Variants in SDK1 observed in about 807,000 individuals in gnomAD.
The protein encoded by SDK1 is protein sidekick-1.
A neutral mutation model predicts 245.5 loss-of-function variants in SDK1; 157 were observed. The observed-to-expected ratio is 0.64, with a 90% confidence interval of 0.56 to 0.73. The LOEUF is 0.73. Ranked by LOEUF, SDK1 falls within the 30% of genes least tolerant of loss-of-function variation. The pLI, the probability that SDK1 is intolerant of heterozygous loss-of-function variation, is 0.00. For missense variants in SDK1, 3,583 were observed against 3,002.3 expected, an observed-to-expected ratio of 1.19 and a Z score of -4.52; for synonymous variants, 1,647 against 1,278.5, an observed-to-expected ratio of 1.29 and a Z score of -6.15.
intron 34 of SDK1, among the ~76,000 whole-genome samples, chr7:4,178,077 G>A (rs1471356763): frequency 6.6e-6 from 1 of 152,236 alleles, no homozygotes; most frequent in Non-Finnish European, 1.5e-5. Context: ...AGGCAGTAAT[G>A]CGAGGGATGG....
intron 1 of SDK1, among the ~76,000 whole-genome samples, chr7:3,427,228 G>T (rs540947314): frequency 6.6e-6 from 1 of 152,298 alleles, no homozygotes; most frequent in East Asian, 1.9e-4. Flanking sequence ...GTAGTATACT[G>T]TAATGTAAAA....
intron 1 of SDK1, among the ~76,000 whole-genome samples, chr7:3,611,377 C>G (rs1562600745): frequency 6.6e-6 from 1 of 152,192 alleles, no homozygotes; most frequent in Non-Finnish European, 1.5e-5. Context: ...TCTTCCTCCT[C>G]TTGCACCGCC....
At chr7:3,365,603 A>T (rs147365258) in intron 1 of SDK1, among the ~76,000 whole-genome samples, 5 of 152,238 alleles carry the variant, frequency 3.3e-5, no homozygotes, top group African/African-American at 1.2e-4. Flanking sequence ...TAAATGTTTT[A>T]AAATTGCTGT....
intron 44 of SDK1, among the ~76,000 whole-genome samples, chr7:4,251,111 C>T (rs982218711): frequency 6.6e-6 from 1 of 152,172 alleles, no homozygotes; most frequent in African/African-American, 2.4e-5. Flanking sequence ...TGTTGTAGCA[C>T]ATATCAGTAC....
chr7:4,235,330 A>C (rs983540180), intron 41 of SDK1, among the ~76,000 whole-genome samples: 5 of 152,024 alleles, frequency 3.3e-5, no homozygotes, highest in African/African-American at 9.7e-5. Flanking sequence ...CGCCCGGCTA[A>C]TTTTTGTATT....
At chr7:3,477,597 C>G (rs1294971558) in intron 1 of SDK1, among the ~76,000 whole-genome samples, 1 of 151,712 alleles carries the variant, frequency 6.6e-6, no homozygotes, top group Admixed American at 6.6e-5. Flanking sequence ...TCGCTGCAAC[C>G]TCAAACTCTT....
chr7:3,535,045 G>A (rs1019670721), intron 1 of SDK1, among the ~76,000 whole-genome samples: 4 of 152,112 alleles, frequency 2.6e-5, no homozygotes, highest in Admixed American at 2.6e-4. Flanking sequence ...AGGCCAAGGT[G>A]GGCGGATCAC....
intron 14 of SDK1, among the ~76,000 whole-genome samples, chr7:3,993,530 A>C (rs1784498275): frequency 6.6e-6 from 1 of 152,190 alleles, no homozygotes; most frequent in Non-Finnish European, 1.5e-5. Context: ...ATTTAAATTT[A>C]ATTAAAATGT....
chr7:3,505,895 T>G (rs1166451156), intron 1 of SDK1, among the ~76,000 whole-genome samples: 1 of 152,192 alleles, frequency 6.6e-6, no homozygotes, highest in Non-Finnish European at 1.5e-5. Flanking sequence ...GACTGTTGCT[T>G]TTATTTCTTC....
intron 22 of SDK1, among the ~76,000 whole-genome samples, chr7:4,094,394 C>A (rs7784086): frequency 6.6e-6 from 1 of 152,058 alleles, no homozygotes; most frequent in Non-Finnish European, 1.5e-5. Flanking sequence ...ATGGATTGCC[C>A]TGGAATTCCG....
intron 1 of SDK1, among the ~76,000 whole-genome samples, chr7:3,308,218 G>A (rs1779466565): frequency 6.6e-6 from 1 of 152,072 alleles, no homozygotes; most frequent in African/African-American, 2.4e-5. Context: ...TACATGGCTG[G>A]AAGAAGGGGC....
intron 5 of SDK1, among the ~76,000 whole-genome samples, chr7:3,836,854 G>C (rs936352509): frequency 6.6e-6 from 1 of 152,228 alleles, no homozygotes; most frequent in Admixed American, 6.5e-5. Context: ...AAAACTGGAA[G>C]TCCAAGATGA....
In SDK1 at chr7:3,596,621, C is replaced by T. The variant is rs188479089; in HGVS notation, c.299-22459C>T. Among the ~76,000 whole-genome samples, 5 of 152,316 alleles carry T rather than the reference C, an allele frequency of 3.3e-5. No homozygotes were observed. In the East Asian group the frequency reaches 9.6e-4, roughly 29 times the overall value. On this transcript the variant is annotated intron_variant, in intron 1 of 44. Transcript: ENST00000404826. Reference sequence around the variant, plus strand: ...AGGCCCTTCCAATTAATCTCCATCCCTGTAGGCAGTCGTTTTTCTGATTTC... The same window carrying T: ...AGGCCCTTCCAATTAATCTCCATCCTTGTAGGCAGTCGTTTTTCTGATTTC...
intron 16 of SDK1, among the ~76,000 whole-genome samples, chr7:4,013,905 C>G (rs994850215): frequency 2.0e-5 from 3 of 152,262 alleles, no homozygotes; most frequent in African/African-American, 4.8e-5. Flanking sequence ...GCCGCAGGCT[C>G]TGGTTCCTGT....
At chr7:3,670,579 C>T (rs1299871495) in intron 4 of SDK1, among the ~76,000 whole-genome samples, 7 of 152,160 alleles carry the variant, frequency 4.6e-5, no homozygotes, top group Non-Finnish European at 8.8e-5. Context: ...GAAACGTGTG[C>T]GGTGGTAGCA....
chr7:3,686,589 C>G (rs543666981), intron 4 of SDK1, among the ~76,000 whole-genome samples: 6 of 151,836 alleles, frequency 4.0e-5, no homozygotes, highest in African/African-American at 1.5e-4. Context: ...TTTCATAAAT[C>G]TAAATATGCA....
At chr7:4,014,355 A>G (rs1167103836) in intron 16 of SDK1, among the ~76,000 whole-genome samples, 1 of 152,262 alleles carries the variant, frequency 6.6e-6, no homozygotes, top group Non-Finnish European at 1.5e-5. Context: ...AGATGAGGGC[A>G]TCTTCTGTAT....
At chr7:3,592,505 C>T (rs968432196) in intron 1 of SDK1, among the ~76,000 whole-genome samples, 12 of 152,190 alleles carry the variant, frequency 7.9e-5, no homozygotes, top group African/African-American at 2.4e-4. Context: ...GTCATTCTTG[C>T]GACATTTTAA....
rs114249204 is a variant in SDK1 at position 3,756,523 on chromosome 7, C to T, written c.714-64927C>T. On this transcript the variant is annotated intron_variant, in intron 4 of 44. Transcript: ENST00000404826. ...TGCGTGTGAGACATGTGTGTCATTGCATGTGTGTCAATAGCATCACTAGTT... is the reference window on the plus strand; with the variant it reads ...TGCGTGTGAGACATGTGTGTCATTGTATGTGTGTCAATAGCATCACTAGTT... Among the ~76,000 whole-genome samples, 153 of 152,092 alleles carry T rather than the reference C, an allele frequency of 1.0e-3. 1 individual carries two copies. Among genetic ancestry groups the T allele is most frequent in the African/African-American group, 3.6e-3 (148 of 41,492 alleles).
Sources: allele counts gnomAD v4.1 joint callset (sites outside exome capture counted in the v4.1 genomes callset), GRCh38; gene constraint gnomAD v4.1.1; transcripts MANE v1.5; gene names NCBI Gene and HGNC (gene_info 2026-07-23, HGNC 2026-07-21).